TJAP1: variants seen among roughly 807,000 people sequenced by gnomAD.
TJAP1 encodes the protein tight junction associated protein 1, also known as tight junction-associated protein 1.
In TJAP1, 27 loss-of-function variants were observed where a neutral mutation model predicts 42.0. The ratio of observed to expected loss-of-function variants is 0.64; its 90% CI spans 0.47 to 0.89. The LOEUF (loss-of-function observed/expected upper bound fraction) is 0.89, where lower values mean the gene tolerates loss of function less well. Ranked by LOEUF, TJAP1 falls within the 40% of genes least tolerant of loss-of-function variation. The pLI is 0.00. For synonymous variants in TJAP1, 257 were observed against 288.4 expected, an observed-to-expected ratio of 0.89 and a Z score of 1.10; for missense variants, 712 against 726.9, an observed-to-expected ratio of 0.98 and a Z score of 0.24.
chr6:43,478,514 A>T (rs1041394994), intron 2 of TJAP1: 3 of 152,264 alleles, frequency 2.0e-5, no homozygotes, highest in Non-Finnish European at 4.4e-5. Context: ...TGTCACAAGC[A>T]GTTTCCTACA....
chr6:43,500,177 T>C (rs1464068803), intron 4 of TJAP1, among the ~76,000 whole-genome samples: 3 of 152,166 alleles, frequency 2.0e-5, no homozygotes, highest in Non-Finnish European at 4.4e-5. Context: ...ATGACTGCCA[T>C]AGGGGTTTGG....
intron 2 of TJAP1, among the ~76,000 whole-genome samples, chr6:43,482,206 G>A (rs1481896423): frequency 1.3e-5 from 2 of 152,066 alleles, no homozygotes; most frequent in Admixed American, 1.3e-4. Context: ...TTCTGGATTC[G>A]GGTCACATTT....
rs1338883057 is a variant in TJAP1, at chr6:43,505,011, C to A, written c.830C>A (p.Pro277His). 1 of 1,614,064 alleles carries A rather than the reference C, an allele frequency of 6.2e-7. No individual in the cohort carries two copies. Among genetic ancestry groups the A allele is most frequent in the Middle Eastern group, 1.6e-4 (1 of 6,062 alleles). ...GGTGTCCCAGGTGATCCAGCCAGTC[C>A]CCCGGCCCCTGGCAGCCCCACCCCA... The change falls in exon 11 of 11, where the codon CCC becomes CAC. Residue 277 changes from proline (P) to histidine (H), a missense_variant. Pro to His is a moderately conservative substitution (Grantham distance 77). Coordinates refer to ENST00000372449, the Ensembl canonical transcript of TJAP1. The surrounding 1 kb of genome is among the most constrained non-coding windows in gnomAD (Gnocchi z 5.5).
chr6:43,500,821 T>G (rs1439550495), intron 5 of TJAP1, 49 bp downstream of exon 5: 4 of 1,607,242 alleles, frequency 2.5e-6, no homozygotes, highest in Non-Finnish European at 3.4e-6. Flanking sequence ...TCTGTCCCTC[T>G]TAGCTCCAGG....
intron 2 of TJAP1, among the ~76,000 whole-genome samples, chr6:43,490,985 C>A (rs1205714192): frequency 1.3e-5 from 2 of 152,148 alleles, no homozygotes; most frequent in Non-Finnish European, 2.9e-5. Context: ...CCTGGTGTTC[C>A]ACACAGGTCA....
intron 2 of TJAP1, among the ~76,000 whole-genome samples, chr6:43,494,841 G>A (rs909349131): frequency 6.6e-6 from 1 of 152,136 alleles, no homozygotes; most frequent in African/African-American, 2.4e-5. Context: ...CCACAGTGCT[G>A]GGATTACAGG....
At chr6:43,489,886 T>A (rs1467286433) in intron 2 of TJAP1, 1 of 152,376 alleles carries the variant, frequency 6.6e-6, no homozygotes, top group Non-Finnish European at 1.5e-5. Context: ...ATTCCTCTGC[T>A]TTCTCTCTGC....
chr6:43,494,194 A>T (rs780009691), intron 2 of TJAP1, among the ~76,000 whole-genome samples: 2 of 152,224 alleles, frequency 1.3e-5, no homozygotes, highest in Admixed American at 1.3e-4. Flanking sequence ...CAACATGGCA[A>T]TTAGGAAGCT....
At chr6:43,485,708 C>T (rs1298455555) in intron 2 of TJAP1, among the ~76,000 whole-genome samples, 1 of 152,120 alleles carries the variant, frequency 6.6e-6, no homozygotes, top group East Asian at 1.9e-4. Flanking sequence ...TACTGAAGGC[C>T]AAGCATTTAG....
intron 8 of TJAP1, 24 bp from the exon 9 acceptor site, chr6:43,503,377 G>T: frequency 6.3e-7 from 1 of 1,596,854 alleles, no homozygotes; most frequent in Non-Finnish European, 8.6e-7. Context: ...TGTGGGCTGG[G>T]TTAACCTCAA....
At chr6:43,504,481 C>A in intron 10 of TJAP1, 1 of 493,324 alleles carries the variant, frequency 2.0e-6, no homozygotes, top group Non-Finnish European at 3.6e-6. Context: ...ATGGTTTGGG[C>A]AGAAGCTGGG....
chr6:43,496,651 C>T (rs1789234891), intron 2 of TJAP1, among the ~76,000 whole-genome samples: 1 of 152,004 alleles, frequency 6.6e-6, no homozygotes, highest in African/African-American at 2.4e-5. Flanking sequence ...ATTCTCCCTG[C>T]CCCGGGCCCT....
In TJAP1 at chr6:43,505,889, A is replaced by T. The variant is rs1339373225; in HGVS notation, c.*34A>T. 7.0e-7 allele frequency: 1 copy of T among 1,432,456 alleles called. No homozygotes were observed. The highest frequency in any genetic ancestry group is 2.5e-5 in the East Asian group (1 of 40,008). The allele number at this position is 1,432,456 out of a possible 1,614,324, so 88.7% of individuals were successfully genotyped here. ...CTGGCCTTCCTGCCATTGCTGCACC[A>T]GGACTGCAAGGAGTCCCCACACCTT... On this transcript the variant is annotated 3_prime_UTR_variant, in exon 11 of 11. Transcript: ENST00000372449. This position sits in a 1 kb window ranked among gnomAD's most constrained non-coding sequence, Gnocchi z 5.5.
chr6:43,496,828 G>A (rs1050787858), intron 2 of TJAP1, among the ~76,000 whole-genome samples: 12 of 152,224 alleles, frequency 7.9e-5, no homozygotes, highest in Admixed American at 7.9e-4. Flanking sequence ...CTGATCACTG[G>A]TGGCTGCTGC....
chr6:43,478,480 G>C (rs945658392), intron 2 of TJAP1, among the ~76,000 whole-genome samples: 1 of 152,226 alleles, frequency 6.6e-6, no homozygotes, highest in African/African-American at 2.4e-5. Flanking sequence ...CTAGAGACCA[G>C]GCCGAAGGAT....
intron 6 of TJAP1, 29 bp from the exon 7 acceptor site, chr6:43,502,254 G>C (rs1362243366): frequency 6.2e-7 from 1 of 1,613,170 alleles, no homozygotes; most frequent in Non-Finnish European, 8.5e-7. Context: ...TCTTGACCCA[G>C]GGATGTGCCT....
chr6:43,505,267 G>C lies in TJAP1; in HGVS notation c.1086G>C (p.Leu362=). 1.2e-6 allele frequency: 2 copies of C among 1,613,752 alleles called. No homozygotes were observed. The highest frequency in any genetic ancestry group is 1.7e-5 in the Admixed American group (1 of 60,022). ...CCCGCCAGGCCATTTCCCTGAGCCT[G>C]GTAGAGGAGGGGAGTGAGCGGGCCC... The change falls in exon 11 of 11, where the codon CTG becomes CTC. Residue 362 remains leucine, a synonymous_variant. Coordinates refer to ENST00000372449, the Ensembl canonical transcript of TJAP1. The surrounding 1 kb of genome is among the most constrained non-coding windows in gnomAD (Gnocchi z 5.5).
At chr6:43,488,138 C>A (rs1015607756) in intron 2 of TJAP1, among the ~76,000 whole-genome samples, 1 of 152,222 alleles carries the variant, frequency 6.6e-6, no homozygotes, top group Non-Finnish European at 1.5e-5. Flanking sequence ...TCCCAAAGTG[C>A]TGGGATTACA....
At chr6:43,503,079 C>T in intron 8 of TJAP1, 1 of 461,880 alleles carries the variant, frequency 2.2e-6, no homozygotes, top group South Asian at 2.4e-5. Context: ...CCCTGGTTTG[C>T]AGTTACTGCC....
Sources: allele counts gnomAD v4.1 joint callset (sites outside exome capture counted in the v4.1 genomes callset), GRCh38; gene constraint gnomAD v4.1.1; non-coding constraint Gnocchi (gnomAD v3.1); transcripts MANE v1.5; gene names NCBI Gene and HGNC (gene_info 2026-07-23, HGNC 2026-07-21).